The following RBMS3 variants were observed in gnomAD, a reference collection of about 807,000 sequenced individuals.
RBMS3 encodes the protein RNA-binding motif, single-stranded-interacting protein 3.
A neutral mutation model predicts 66.8 loss-of-function variants in RBMS3; 27 were observed. The observed-to-expected ratio is 0.40, with a 90% CI of 0.30 to 0.56. The LOEUF (loss-of-function observed/expected upper bound fraction) is 0.56, where lower values mean the gene tolerates loss of function less well. RBMS3 is among the 20% of genes least tolerant of loss of function. The pLI is 0.40. For missense variants in RBMS3, 513 were observed against 549.5 expected (o/e 0.93, Z 0.66); for synonymous variants, 188 against 183.0 (o/e 1.03, Z -0.22).
chr3:29,739,711 T>C lies in RBMS3; in HGVS notation c.400-9T>C. On this transcript the variant is annotated splice_polypyrimidine_tract_variant and intron_variant, in intron 4 of 14. Transcript: ENST00000383767. ...GAACTTACCATATTTGTTACTTTCC[T>C]TCCCTTAGCAACAAGAGCAAGACCC... The C allele has an allele frequency of 6.3e-7, 1 of 1,577,878 alleles. No individual in the cohort carries two copies. Among genetic ancestry groups the C allele is most frequent in the Non-Finnish European group, 8.6e-7 (1 of 1,165,506 alleles).
intron 3 of RBMS3, among the ~76,000 whole-genome samples, chr3:29,545,637 C>T (rs1178311252): frequency 6.6e-6 from 1 of 152,178 alleles, no homozygotes; most frequent in East Asian, 1.9e-4. Flanking sequence ...TTTAACATTA[C>T]AATTTAGGCT....
At chr3:29,822,216 A>T (rs2058092808) in intron 6 of RBMS3, among the ~76,000 whole-genome samples, 1 of 152,124 alleles carries the variant, frequency 6.6e-6, no homozygotes, top group Non-Finnish European at 1.5e-5. Context: ...CCTGAGTCTG[A>T]GTGTGTGACT....
intron 12 of RBMS3, among the ~76,000 whole-genome samples, chr3:29,973,113 A>T (rs1697330922): frequency 6.6e-6 from 1 of 152,018 alleles, no homozygotes; most frequent in Non-Finnish European, 1.5e-5. Flanking sequence ...ACTGATAATA[A>T]ATGTTGGTTT....
chr3:29,755,075 A>G (rs2055349192), intron 5 of RBMS3, among the ~76,000 whole-genome samples: 2 of 152,330 alleles, frequency 1.3e-5, no homozygotes, highest in Admixed American at 1.3e-4. Flanking sequence ...GAGATTGATT[A>G]AAAGTGGTAA....
chr3:29,996,231 A>T (rs1485116452), intron 14 of RBMS3, among the ~76,000 whole-genome samples: 1 of 151,610 alleles, frequency 6.6e-6, no homozygotes, highest in Non-Finnish European at 1.5e-5. Flanking sequence ...TCCTAAATAT[A>T]TATGCACCCA....
At chr3:29,332,513 C>T (rs1382631231) in intron 1 of RBMS3, among the ~76,000 whole-genome samples, 8 of 152,066 alleles carry the variant, frequency 5.3e-5, no homozygotes, top group African/African-American at 1.4e-4. Flanking sequence ...TGTGGAATTA[C>T]CCTGGGCACC....
intron 4 of RBMS3, among the ~76,000 whole-genome samples, chr3:29,688,564 ATTTTTTTTTTTTTTT>A (rs55943638): frequency 3.1e-4 from 21 of 67,132 alleles, no homozygotes; most frequent in South Asian, 1.0e-3. Flanking sequence ...AAGTTACAGG[ATTTTTTTTTTTTTTT>A]TTTTTTTTTT....
chr3:29,432,618 C>G (rs955805421), intron 1 of RBMS3, among the ~76,000 whole-genome samples: 1 of 152,134 alleles, frequency 6.6e-6, no homozygotes, highest in African/African-American at 2.4e-5. Flanking sequence ...ACATACATGA[C>G]ATACTCATGT....
chr3:29,994,121 C>T (rs527403349), intron 14 of RBMS3, among the ~76,000 whole-genome samples: 207 of 152,308 alleles, frequency 1.4e-3, no homozygotes, highest in African/African-American at 2.8e-3. Flanking sequence ...ACTTGGGAAG[C>T]GCAAGGGGTC....
intron 3 of RBMS3, among the ~76,000 whole-genome samples, chr3:29,517,305 GTGTA>G (rs778298317): frequency 0.016 from 1,761 of 111,316 alleles, 26 homozygotes; most frequent in African/African-American, 0.051. Flanking sequence ...GTGTGTGTGT[GTGTA>G]TATATATATA....
chr3:29,809,861 A>C (rs532976958), intron 6 of RBMS3, among the ~76,000 whole-genome samples: 1 of 152,194 alleles, frequency 6.6e-6, no homozygotes, highest in South Asian at 2.1e-4. Flanking sequence ...GAGGAAGGAA[A>C]AAAATCACTT....
At chr3:29,289,099 C>T (rs2032605007) in intron 1 of RBMS3, among the ~76,000 whole-genome samples, 1 of 151,790 alleles carries the variant, frequency 6.6e-6, no homozygotes, top group Non-Finnish European at 1.5e-5. Context: ...GAGTATAAAA[C>T]AAGGAAGATA....
chr3:29,844,701 T>C (rs1334094278), intron 6 of RBMS3, among the ~76,000 whole-genome samples: 1 of 152,224 alleles, frequency 6.6e-6, no homozygotes, highest in Non-Finnish European at 1.5e-5. Context: ...ATTATATGAT[T>C]TGAGTAAGTT....
At chr3:29,622,068 A>T (rs570850744) in intron 4 of RBMS3, among the ~76,000 whole-genome samples, 4 of 152,186 alleles carry the variant, frequency 2.6e-5, no homozygotes, top group Non-Finnish European at 5.9e-5. Context: ...GGATCCGGTG[A>T]ACTCTAAACT....
intron 2 of RBMS3, among the ~76,000 whole-genome samples, chr3:29,456,491 G>A (rs753603497): frequency 9.2e-5 from 14 of 152,056 alleles, no homozygotes; most frequent in Admixed American, 1.3e-4. Context: ...AATTCACTCC[G>A]GAGAACAATC....
intron 4 of RBMS3, among the ~76,000 whole-genome samples, chr3:29,715,510 T>G (rs1236986045): frequency 6.6e-6 from 1 of 152,160 alleles, no homozygotes; most frequent in Non-Finnish European, 1.5e-5. Flanking sequence ...ATATATCTAC[T>G]GTTAGTTCCC....
Position 29,454,204 on chromosome 3 carries a change from C to T in RBMS3, c.248+19289C>T, listed in dbSNP as rs149707871. On this transcript the variant is annotated intron_variant, in intron 2 of 14. Transcript: ENST00000383767. ...TAGGTATTCCCCTCCTGGGATCTGG[C>T]ACCATCTGTAAGTTTGCTGCAGCTG... is the stretch of plus-strand genomic sequence containing the variant. Among the ~76,000 whole-genome samples the T allele has an allele frequency of 6.2e-3, 949 of 152,282 alleles. 11 individuals are homozygous for T. Among genetic ancestry groups the T allele is most frequent in the African/African-American group, 0.022 (906 of 41,564 alleles).
At chr3:29,552,175 T>A (rs2149033289) in intron 3 of RBMS3, among the ~76,000 whole-genome samples, 1 of 152,320 alleles carries the variant, frequency 6.6e-6, no homozygotes, top group East Asian at 1.9e-4. Flanking sequence ...ATGTTTACTC[T>A]TGCTGAAGTT....
intron 10 of RBMS3, chr3:29,927,309 C>T (rs2060965458): frequency 6.6e-6 from 1 of 152,162 alleles, no homozygotes. Context: ...TTTCACATAC[C>T]ATTAAAGTCA....
Sources: allele counts gnomAD v4.1 joint callset (sites outside exome capture counted in the v4.1 genomes callset), GRCh38; gene constraint gnomAD v4.1.1; transcripts MANE v1.5; gene names NCBI Gene and HGNC (gene_info 2026-07-23, HGNC 2026-07-21).